The following SYNE2 variants were observed in gnomAD, a reference collection of about 807,000 sequenced individuals.
The protein encoded by SYNE2 is nesprin-2.
Under a neutral mutation model 856.3 loss-of-function variants are expected in SYNE2, and 431 were observed. That is an observed-to-expected ratio of 0.50 (90% confidence interval 0.47 to 0.55). SYNE2 has a LOEUF of 0.55. SYNE2 is among the 20% of genes least tolerant of loss of function. The pLI is 0.00. For synonymous variants in SYNE2, 2,923 were observed against 2,872.3 expected (o/e 1.02, Z -0.56); for missense variants, 8,129 against 8,023.2 (o/e 1.01, Z -0.50).
In SYNE2 at chr14:64,002,578, T is replaced by A. The variant is rs944566361; in HGVS notation, c.3787-142T>A. 8 of 867,836 alleles carry A rather than the reference T, an allele frequency of 9.2e-6. No individual in the cohort carries two copies. The East Asian group carries it at 2.1e-4, about 23-fold the overall frequency. 53.8% of individuals were successfully genotyped at this position (867,836 alleles called of 1,614,324 possible). A position where few individuals can be genotyped will look rare whatever the true frequency, so the allele number is the denominator to read the frequency against. ...GATCATTTGTAATTAAAATGTTTCC[T>A]TAGGTAGAAACTGTCACCTTTTGTT... On this transcript the variant is annotated intron_variant, in intron 29 of 115. Transcript: ENST00000555002.
rs1221224292 is a variant in SYNE2, at chr14:64,027,469, T to A, written c.6405-15T>A. 6.5e-7 allele frequency: 1 copy of A among 1,529,192 alleles called. No individual in the cohort carries two copies. The highest frequency in any genetic ancestry group is 1.4e-5 in the African/African-American group (1 of 72,008). The allele number at this position is 1,529,192 out of a possible 1,614,324, so 94.7% of individuals were successfully genotyped here. A position where few individuals can be genotyped will look rare whatever the true frequency, so the allele number is the denominator to read the frequency against. ...TAAATATCATTTAATTTATAAAATA[T>A]TTTGTGAAATTTAGCCATCAAGAAA... On this transcript the variant is annotated splice_polypyrimidine_tract_variant and intron_variant, in intron 42 of 115. Coordinates refer to ENST00000555002, the MANE Select transcript of SYNE2 (RefSeq NM_182914.3).
chr14:64,224,209 A>G (rs904536449), intron 113 of SYNE2, among the ~76,000 whole-genome samples: 1 of 150,812 alleles, frequency 6.6e-6, no homozygotes. Flanking sequence ...AAAATACAAA[A>G]CCAGGTGTGG....
intron 45 of SYNE2, among the ~76,000 whole-genome samples, chr14:64,038,300 CGCTCCT>C (rs2097116194): frequency 2.6e-5 from 4 of 151,884 alleles, no homozygotes; most frequent in Admixed American, 2.6e-4. Context: ...CGGGAAGAGG[CGCTCCT>C]CACTTCCTAG....
At chr14:63,916,886 C>G (rs1312855506) in intron 2 of SYNE2, among the ~76,000 whole-genome samples, 1 of 151,740 alleles carries the variant, frequency 6.6e-6, no homozygotes, top group African/African-American at 2.4e-5. Context: ...GAGTTTGAGA[C>G]CAGCCTGGGC....
chr14:64,039,442 G>A (rs946014704), intron 45 of SYNE2, among the ~76,000 whole-genome samples: 14 of 152,142 alleles, frequency 9.2e-5, no homozygotes, highest in African/African-American at 3.4e-4. Context: ...GTGAGTCAGG[G>A]GATGTAAAGA....
chr14:64,225,091 C>G, intron 115 of SYNE2, 46 bp downstream of exon 115: 2 of 1,602,834 alleles, frequency 1.2e-6, no homozygotes, highest in Non-Finnish European at 1.7e-6. Context: ...CTGCTCCACA[C>G]TCCCACTGAC....
At chr14:63,783,503 G>T (rs1028625330) in intron 1 of SYNE2, among the ~76,000 whole-genome samples, 32 of 152,170 alleles carry the variant, frequency 2.1e-4, no homozygotes, top group Admixed American at 2.0e-3. Context: ...TCAGCCTCCT[G>T]AGTAGCTGGG....
chr14:63,862,787 G>T (rs1049784227), intron 1 of SYNE2, among the ~76,000 whole-genome samples: 23 of 145,994 alleles, frequency 1.6e-4, no homozygotes, highest in Admixed American at 9.6e-4. Flanking sequence ...GGGCAGTTTT[G>T]TTTTTTTTTT....
chr14:64,141,245 T>C, intron 80 of SYNE2, 96 bp from the exon 81 acceptor site: 1 of 963,936 alleles, frequency 1.0e-6, no homozygotes, highest in East Asian at 2.6e-5. Context: ...TTCGTATATT[T>C]ACTATGTTTA....
rs11427202 is a variant in SYNE2, at chr14:63,830,840, C to CTTTTT, written c.-304-21645_-304-21641dup. ...AATCTTTCAATACAGTGATCCCATT[C>CTTTTT]TTTTTTTTTTTTTTTTTTTTGTGAG... On this transcript the variant is annotated intron_variant, in intron 1 of 23. Coordinates refer to the SYNE2 transcript ENST00000674003. Among the ~76,000 whole-genome samples the CTTTTT allele has an allele frequency of 4.4e-3, 477 of 108,590 alleles. 1 individual carries two copies. The highest frequency in any genetic ancestry group is 0.014 in the Middle Eastern group (2 of 144). 71.2% of individuals were successfully genotyped at this position (108,590 alleles called of 152,430 possible).
chr14:64,166,940 A>G (rs889528211), intron 90 of SYNE2: 18 of 405,228 alleles, frequency 4.4e-5, no homozygotes, highest in African/African-American at 3.1e-4. Context: ...TCCGAAAAAT[A>G]AAAAATAAAA....
At chr14:63,810,377 ATTG>A (rs979896257) in intron 1 of SYNE2, among the ~76,000 whole-genome samples, 4 of 152,160 alleles carry the variant, frequency 2.6e-5, no homozygotes, top group African/African-American at 9.7e-5. Flanking sequence ...AAGTTTGGTT[ATTG>A]TTTTACTCTG....
chr14:63,834,672 C>T (rs1259738556), intron 1 of SYNE2, among the ~76,000 whole-genome samples: 2 of 138,550 alleles, frequency 1.4e-5, no homozygotes, highest in African/African-American at 5.3e-5. Context: ...GATAGAGTCT[C>T]ACTCTGTTGC....
At chr14:64,136,824 A>G (rs1393862681) in intron 78 of SYNE2, among the ~76,000 whole-genome samples, 1 of 152,146 alleles carries the variant, frequency 6.6e-6, no homozygotes, top group African/African-American at 2.4e-5. Context: ...TCCTCTTCAT[A>G]TCTAAGTCAC....
At chr14:63,791,891 G>GC (rs35454691) in intron 1 of SYNE2, among the ~76,000 whole-genome samples, 93,573 of 148,734 alleles carry the variant, frequency 0.63, 29,910 homozygotes, top group South Asian at 0.77. Flanking sequence ...CTTGTAGTGA[G>GC]TGAGATCGCG....
In SYNE2 at chr14:63,982,649, C is replaced by T; in HGVS notation, c.1856C>T (p.Ala619Val). The T allele has an allele frequency of 6.2e-7, 1 of 1,613,942 alleles. No homozygotes were observed. Among genetic ancestry groups the T allele is most frequent in the Non-Finnish European group, 8.5e-7 (1 of 1,179,976 alleles). ...ATGTAGGTACCCTTTGAGACACTAGCCCAGTGGAATCTAGAACACGCTACT... is the reference window on the plus strand; with the variant it reads ...ATGTAGGTACCCTTTGAGACACTAGTCCAGTGGAATCTAGAACACGCTACT... ...EIKEVPFETL[A>V]QWNLEHATLN... is the part of the protein sequence containing the mutation. The change falls in exon 17 of 116, where the codon GCC (alanine) becomes GTC (valine). Residue 619 changes from alanine (A) to valine (V), a missense_variant. By Grantham distance (64) the Ala-to-Val change is moderately conservative. Transcript: ENST00000555002.
At chr14:64,021,721 T>C (rs1253866848) in intron 36 of SYNE2, 136 bp from the exon 37 acceptor site, 20 of 1,064,482 alleles carry the variant, frequency 1.9e-5, no homozygotes, top group Non-Finnish European at 2.8e-5. Context: ...GTATCATACA[T>C]TTACTAGCAA....
At chr14:64,092,959 C>G (rs760127554) in intron 60 of SYNE2, among the ~76,000 whole-genome samples, 3 of 151,382 alleles carry the variant, frequency 2.0e-5, no homozygotes, top group Admixed American at 1.3e-4. Flanking sequence ...AAAGCCCCCC[C>G]GCTCCCCCGG....
chr14:64,225,086 C>T (rs1432390973), intron 115 of SYNE2, 41 bp downstream of exon 115: 2 of 1,604,274 alleles, frequency 1.2e-6, no homozygotes, highest in Middle Eastern at 1.7e-4. Context: ...TTCCCCTGCT[C>T]CACACTCCCA....
Sources: allele counts gnomAD v4.1 joint callset (sites outside exome capture counted in the v4.1 genomes callset), GRCh38; gene constraint gnomAD v4.1.1; transcripts MANE v1.5; gene names NCBI Gene and HGNC (gene_info 2026-07-23, HGNC 2026-07-21).